The following ARMC6 variants were observed in gnomAD, a reference collection of about 807,000 sequenced individuals.
ARMC6 encodes the protein armadillo repeat containing 6.
A neutral mutation model predicts 49.2 loss-of-function variants in ARMC6; 43 were observed. That is an observed-to-expected ratio of 0.87 (90% confidence interval 0.69 to 1.13). ARMC6 has a LOEUF of 1.13. Among genes scored for constraint, ARMC6 ranks in the 50% most tolerant of loss-of-function variants. The pLI is 0.00. For missense variants in ARMC6, 627 were observed against 682.0 expected, an observed-to-expected ratio of 0.92 and a Z score of 0.90; for synonymous variants, 262 against 289.6, an observed-to-expected ratio of 0.90 and a Z score of 0.97.
rs1046109333 is a variant in ARMC6, at chr19:19,056,047, A to G, written c.1293+119A>G. ...GTGATGGGGCAAAGGCTCAGTCCCTATCCCTATCCCTGTCCCTGTCCCTCC... is the reference window on the plus strand; with the variant it reads ...GTGATGGGGCAAAGGCTCAGTCCCTGTCCCTATCCCTGTCCCTGTCCCTCC... On this transcript the variant is annotated intron_variant, in intron 8 of 8. Transcript: ENST00000535612. 1.2e-5 allele frequency: 14 copies of G among 1,182,684 alleles called. No individual in the cohort carries two copies. In the African/African-American group the frequency reaches 1.8e-4, roughly 15 times the overall value. 73.3% of individuals were successfully genotyped at this position (1,182,684 alleles called of 1,614,324 possible). A position where few individuals can be genotyped will look rare whatever the true frequency, so the allele number is the denominator to read the frequency against.
intron 4 of ARMC6, 84 bp downstream of exon 4, chr19:19,044,158 C>G: frequency 7.2e-7 from 1 of 1,379,352 alleles, no homozygotes; most frequent in South Asian, 1.2e-5. Flanking sequence ...TGGCAGAATA[C>G]AGGCTCTGAA....
rs1320148181 is a variant in ARMC6 at position 19,034,239 on chromosome 19, G to C, written c.29+1G>C. The C allele has an allele frequency of 6.3e-7, 1 of 1,594,632 alleles. No homozygotes were observed. The highest frequency in any genetic ancestry group is 1.7e-5 in the Admixed American group (1 of 59,416). ...GTGAACGATGTTGCTCTAGATACAGGTAATGGTGTGCAAATAATAACAGAG... is the reference window on the plus strand; with the variant it reads ...GTGAACGATGTTGCTCTAGATACAGCTAATGGTGTGCAAATAATAACAGAG... On this transcript the variant is annotated splice_donor_variant, in intron 2 of 8. Coordinates refer to ENST00000535612, the MANE Select transcript of ARMC6 (RefSeq NM_001199196.2). LOFTEE classifies it high-confidence loss of function.
At chr19:19,037,541 ATTT>A (rs763582959) in intron 2 of ARMC6, 1 of 747,878 alleles carries the variant, frequency 1.3e-6, no homozygotes, top group Non-Finnish European at 2.0e-6. Context: ...TAATTTTGGT[ATTT>A]TTTATAGAGA....
At chr19:19,038,090 G>T (rs569843221) in intron 2 of ARMC6, among the ~76,000 whole-genome samples, 2 of 152,160 alleles carry the variant, frequency 1.3e-5, no homozygotes, top group Non-Finnish European at 2.9e-5. Context: ...ACATGCAAGC[G>T]ATTTAGGTTG....
At chr19:19,045,380 C>T (rs1209400882) in intron 4 of ARMC6, among the ~76,000 whole-genome samples, 1 of 152,056 alleles carries the variant, frequency 6.6e-6, no homozygotes, top group East Asian at 1.9e-4. Context: ...CATCTTTTTC[C>T]TACTGATTTG....
Position 19,033,606 on chromosome 19 carries a change from G to C in ARMC6, c.-404G>C, listed in dbSNP as rs1274824932. 3 of 1,179,460 alleles carry C rather than the reference G, an allele frequency of 2.5e-6. No homozygotes were observed. The highest frequency in any genetic ancestry group is 3.1e-6 in the Non-Finnish European group (3 of 955,132). 73.1% of individuals were successfully genotyped at this position (1,179,460 alleles called of 1,614,324 possible). A position where few individuals can be genotyped will look rare whatever the true frequency, so the allele number is the denominator to read the frequency against. ...TGGTGCGCAGGCGCGGGCCGCCGCG[G>C]CCCGGCTCTCTTGCGCAAGCGCGCT... On this transcript the variant is annotated 5_prime_UTR_variant, in exon 1 of 9. Coordinates refer to ENST00000535612, the MANE Select transcript of ARMC6 (RefSeq NM_001199196.2).
chr19:19,049,929 C>T (rs149947614), intron 4 of ARMC6, among the ~76,000 whole-genome samples: 43 of 152,136 alleles, frequency 2.8e-4, no homozygotes, highest in Non-Finnish European at 4.7e-4. Flanking sequence ...GAGGCTGAAG[C>T]GGGAGGATTG....
At chr19:19,035,804 C>G (rs1555756421) in intron 2 of ARMC6, among the ~76,000 whole-genome samples, 1 of 152,206 alleles carries the variant, frequency 6.6e-6, no homozygotes, top group Non-Finnish European at 1.5e-5. Flanking sequence ...AAGGACATGT[C>G]TGTGACACAG....
chr19:19,048,515 T>G (rs1217777638), intron 4 of ARMC6, among the ~76,000 whole-genome samples: 1 of 143,500 alleles, frequency 7.0e-6, no homozygotes, highest in Non-Finnish European at 1.5e-5. Context: ...AGAATGAGAC[T>G]CAGAAAAAAA....
At chr19:19,054,718 T>C (rs956833969) in intron 6 of ARMC6, among the ~76,000 whole-genome samples, 3 of 152,062 alleles carry the variant, frequency 2.0e-5, no homozygotes, top group African/African-American at 7.2e-5. Context: ...AACAGGTGCC[T>C]CCCTATCCAG....
chr19:19,050,892 A>T (rs766261505), intron 4 of ARMC6, among the ~76,000 whole-genome samples: 1 of 152,222 alleles, frequency 6.6e-6, no homozygotes, highest in African/African-American at 2.4e-5. Flanking sequence ...AGGCTCACAG[A>T]TTCATCTTTG....
At chr19:19,045,633 G>A (rs2059444249) in intron 4 of ARMC6, among the ~76,000 whole-genome samples, 1 of 149,104 alleles carries the variant, frequency 6.7e-6, no homozygotes, top group Non-Finnish European at 1.5e-5. Context: ...GATTACAGGT[G>A]CACACCACCA....
At chr19:19,057,350 C>A in intron 8 of ARMC6, 66 bp from the exon 9 acceptor site, 1 of 1,374,064 alleles carries the variant, frequency 7.3e-7, no homozygotes, top group Non-Finnish European at 1.0e-6. Context: ...TGATGAAGAC[C>A]CTGAGGTCAG....
chr19:19,036,581 C>T (rs942709776), intron 2 of ARMC6, among the ~76,000 whole-genome samples: 4 of 152,244 alleles, frequency 2.6e-5, no homozygotes, highest in Admixed American at 2.6e-4. Flanking sequence ...ACTCCTTACT[C>T]CCTACTGAGA....
At chr19:19,039,405 G>A (rs1410500888) in intron 2 of ARMC6, 1 of 453,274 alleles carries the variant, frequency 2.2e-6, no homozygotes, top group African/African-American at 2.0e-5. Context: ...CTAAAGCACT[G>A]GGATCACAGG....
intron 3 of ARMC6, among the ~76,000 whole-genome samples, chr19:19,043,708 G>A (rs1375387482): frequency 6.6e-6 from 1 of 152,140 alleles, no homozygotes; most frequent in Non-Finnish European, 1.5e-5. Context: ...CAGGCAGCAT[G>A]TGGCACCTCA....
At chr19:19,054,001 C>A in intron 5 of ARMC6, 151 bp from the exon 6 acceptor site, 1 of 651,656 alleles carries the variant, frequency 1.5e-6, no homozygotes. Context: ...CCAGGTAGCC[C>A]CTGGTGTTCC....
At chr19:19,046,927 G>GTTTTTTT (rs386388691) in intron 4 of ARMC6, among the ~76,000 whole-genome samples, 81 of 104,306 alleles carry the variant, frequency 7.8e-4, no homozygotes, top group East Asian at 2.1e-3. Flanking sequence ...ATGCTCACCT[G>GTTTTTTT]TTTTTTTTTT....
In ARMC6 at chr19:19,051,371, C is replaced by G. The variant is rs1450012454; in HGVS notation, c.280-251C>G. ...CTGAGTTGTCTGGATCTCTCTCTCTCTCTCTGTGTGTGTGTGTGTGTGTGT... is the reference window on the plus strand; with the variant it reads ...CTGAGTTGTCTGGATCTCTCTCTCTGTCTCTGTGTGTGTGTGTGTGTGTGT... On this transcript the variant is annotated intron_variant, in intron 4 of 8. Coordinates refer to ENST00000535612, the MANE Select transcript of ARMC6 (RefSeq NM_001199196.2). Among the ~76,000 whole-genome samples the G allele has an allele frequency of 3.0e-3, 368 of 122,854 alleles. 2 individuals carry two copies. Among genetic ancestry groups the G allele is most frequent in the African/African-American group, 0.013 (345 of 25,688 alleles). 80.6% of individuals were successfully genotyped at this position (122,854 alleles called of 152,430 possible). A position where few individuals can be genotyped will look rare whatever the true frequency, so the allele number is the denominator to read the frequency against.
Sources: gnomAD v4.1 joint callset for allele counts (sites outside exome capture counted in the v4.1 genomes callset) on GRCh38, gnomAD v4.1.1 for gene constraint, MANE v1.5 for transcripts, NCBI Gene and HGNC (gene_info 2026-07-23, HGNC 2026-07-21) for gene names.